ANLN: variants seen among roughly 807,000 people sequenced by gnomAD.
The protein encoded by ANLN is anillin, actin binding protein.
A neutral mutation model predicts 135.1 loss-of-function variants in ANLN; 59 were observed. The ratio of observed to expected loss-of-function variants is 0.44; its 90% CI spans 0.35 to 0.54. The LOEUF is 0.54. Ranked by LOEUF, ANLN falls within the 20% of genes least tolerant of loss-of-function variation. ANLN has a pLI of 0.00. For missense variants in ANLN, 1,182 were observed against 1,340.0 expected, an observed-to-expected ratio of 0.88 and a Z score of 1.84; for synonymous variants, 406 against 456.4, an observed-to-expected ratio of 0.89 and a Z score of 1.41.
intron 20 of ANLN, among the ~76,000 whole-genome samples, chr7:36,433,617 T>C (rs1562814193): frequency 1.3e-5 from 2 of 152,230 alleles, no homozygotes; most frequent in Non-Finnish European, 2.9e-5. Context: ...CTTAAAGTTA[T>C]TTCTTCTGCC....
chr7:36,435,966 G>T (rs886829106), intron 20 of ANLN, among the ~76,000 whole-genome samples: 1 of 143,060 alleles, frequency 7.0e-6, no homozygotes, highest in African/African-American at 2.6e-5. Flanking sequence ...GTATTGAAAT[G>T]AAATTCATGT....
intron 23 of ANLN, among the ~76,000 whole-genome samples, chr7:36,450,466 G>A (rs1169823889): frequency 6.6e-6 from 1 of 152,204 alleles, no homozygotes; most frequent in Non-Finnish European, 1.5e-5. Flanking sequence ...TAATTAGGCT[G>A]TTGCTGGATA....
Position 36,424,580 on chromosome 7 carries a change from A to T in ANLN, c.2639A>T (p.Glu880Val). ...DVSNDFEINI[E>V]VYSLVQKKDP... ...TCCAATGACTTTGAAATAAATATTG[A>T]AGTTTACAGCTTGGTAAGCTGATAA... The change falls in exon 16 of 24, where the codon GAA (glutamate) becomes GTA (valine). Residue 880 changes from glutamate (E) to valine (V), a missense_variant. Physicochemically the swap from Glu to Val is moderately radical, Grantham distance 121. Around this residue, in one of 3 missense-constraint regions of ANLN, gnomAD observed 1,022 missense variants for 1,134.0 expected, o/e 0.90. Coordinates refer to ENST00000265748, the MANE Select transcript of ANLN (RefSeq NM_018685.5). 6.2e-7 allele frequency: 1 copy of T among 1,600,884 alleles called. No homozygotes were observed. Among genetic ancestry groups the T allele is most frequent in the Non-Finnish European group, 8.5e-7 (1 of 1,172,806 alleles).
At chr7:36,416,913 G>T (rs1054975351) in intron 8 of ANLN, among the ~76,000 whole-genome samples, 167 bp from the exon 9 acceptor site, 1 of 151,674 alleles carries the variant, frequency 6.6e-6, no homozygotes, top group Non-Finnish European at 1.5e-5. Context: ...TGGGTTAAGA[G>T]AGGACAGGTG....
chr7:36,425,413 G>A (rs2116689788), intron 17 of ANLN, among the ~76,000 whole-genome samples: 1 of 150,944 alleles, frequency 6.6e-6, no homozygotes, highest in East Asian at 2.0e-4. Context: ...TCCTGCCTCA[G>A]CCTCCTGTGA....
At chr7:36,437,783 A>AT (rs1281822027) in intron 20 of ANLN, among the ~76,000 whole-genome samples, 6 of 151,188 alleles carry the variant, frequency 4.0e-5, no homozygotes, top group African/African-American at 1.5e-4. Context: ...TATTTTAAAA[A>AT]TTTTTTTTTG....
Position 36,410,610 on chromosome 7 carries a change from C to G in ANLN, c.1193C>G (p.Pro398Arg). The G allele has an allele frequency of 1.2e-6, 2 of 1,614,088 alleles. No homozygotes were observed. Among genetic ancestry groups the G allele is most frequent in the Non-Finnish European group, 8.5e-7 (1 of 1,180,002 alleles). ...SPARSTPHRT[P>R]IITPNTKAIQ... ...GCTCGTAGCACACCCCACAGAACCCCCATTATTACTCCAAATACAAAGGCC... is the reference window on the plus strand; with the variant it reads ...GCTCGTAGCACACCCCACAGAACCCGCATTATTACTCCAAATACAAAGGCC... Residue 398 changes from proline to arginine, a missense_variant, in exon 6 of 24, where the codon CCC becomes CGC. Pro to Arg is a moderately radical substitution (Grantham distance 103). Coordinates refer to ENST00000265748, the MANE Select transcript of ANLN (RefSeq NM_018685.5).
rs536954444 is a variant in ANLN at position 36,415,093 on chromosome 7, T to C, written c.1396-665T>C. On this transcript the variant is annotated intron_variant, in intron 7 of 23. Coordinates refer to ENST00000265748, the MANE Select transcript of ANLN (RefSeq NM_018685.5). ...ATTCATAAAGTCTTCTTTTATTTCTTTGCTGAAATAATCTGTACAACAATA... is the reference window on the plus strand; with the variant it reads ...ATTCATAAAGTCTTCTTTTATTTCTCTGCTGAAATAATCTGTACAACAATA... Among the ~76,000 whole-genome samples, 3 of 152,360 alleles carry C rather than the reference T, an allele frequency of 2.0e-5. No individual in the cohort carries two copies. The East Asian group carries it at 5.8e-4, about 29-fold the overall frequency.
intron 21 of ANLN, among the ~76,000 whole-genome samples, chr7:36,441,484 G>C (rs1422417246): frequency 1.3e-5 from 2 of 152,204 alleles, no homozygotes; most frequent in African/African-American, 4.8e-5. Context: ...TTCCTTTCCT[G>C]ATGTGCCAGG....
intron 20 of ANLN, among the ~76,000 whole-genome samples, chr7:36,430,184 G>C (rs1253589653): frequency 6.6e-6 from 1 of 152,200 alleles, no homozygotes; most frequent in Non-Finnish European, 1.5e-5. Context: ...GTCACTGAAA[G>C]AGTATACATG....
Position 36,452,591 on chromosome 7 carries a change from A to C in ANLN, c.3366A>C (p.Gly1122=), listed in dbSNP as rs201375544. ...WQPDACYKPI[G]KP ...CTGATGCTTGCTACAAACCTATTGG[A>C]AAGCCTTAAACCGGGAAATTTCCAT... The change falls in exon 24 of 24, where the codon GGA becomes GGC. Residue 1122 remains glycine, a synonymous_variant. Coordinates refer to ENST00000265748, the MANE Select transcript of ANLN (RefSeq NM_018685.5). 8.7e-5 allele frequency: 140 copies of C among 1,614,042 alleles called. No individual in the cohort carries two copies. The East Asian group carries it at 3.0e-3, about 35-fold the overall frequency.
chr7:36,429,761 CA>C (rs1331911952), intron 20 of ANLN, among the ~76,000 whole-genome samples: 1 of 152,118 alleles, frequency 6.6e-6, no homozygotes, highest in African/African-American at 2.4e-5. Context: ...AAAGAGATTT[CA>C]ATGACATATC....
chr7:36,425,964 A>G (rs1450916870), intron 18 of ANLN, 51 bp from the exon 19 acceptor site: 1 of 1,401,994 alleles, frequency 7.1e-7, no homozygotes, highest in Non-Finnish European at 9.8e-7. Context: ...TTTGTATTAA[A>G]TAAGGGAAAT....
In ANLN at chr7:36,406,179, A is replaced by T; in HGVS notation, c.488-2A>T. ...TTAACTCTTTTCTGAAAACATTTTC[A>T]GATGACATTCCTGAAAGCTCACTCT... On this transcript the variant is annotated splice_acceptor_variant, in intron 3 of 23. Coordinates refer to ENST00000265748, the MANE Select transcript of ANLN (RefSeq NM_018685.5). LOFTEE classifies it high-confidence loss of function. 1 of 1,582,408 alleles carries T rather than the reference A, an allele frequency of 6.3e-7. No homozygotes were observed. The highest frequency in any genetic ancestry group is 8.6e-7 in the Non-Finnish European group (1 of 1,160,376).
Position 36,433,713 on chromosome 7 carries a change from T to C in ANLN, c.2884-5491T>C, listed in dbSNP as rs75313579. Among the ~76,000 whole-genome samples the C allele has an allele frequency of 8.5e-3, 1,290 of 152,270 alleles. 19 individuals are homozygous for C. Among genetic ancestry groups the C allele is most frequent in the African/African-American group, 0.029 (1,226 of 41,582 alleles). ...TGTGACATTCTTTTTGGTTTTCATT[T>C]AATTCTTTTTTTCTTTGTGCTTCAT... On this transcript the variant is annotated intron_variant, in intron 20 of 23. Coordinates refer to ENST00000265748, the MANE Select transcript of ANLN (RefSeq NM_018685.5).
intron 7 of ANLN, among the ~76,000 whole-genome samples, chr7:36,414,079 G>A (rs1377409773): frequency 2.0e-5 from 3 of 152,154 alleles, no homozygotes; most frequent in African/African-American, 4.8e-5. Context: ...TTTCAAATGT[G>A]GGTTAAGCCA....
At chr7:36,392,646 A>G (rs897260671) in intron 1 of ANLN, among the ~76,000 whole-genome samples, 2 of 151,808 alleles carry the variant, frequency 1.3e-5, no homozygotes, top group South Asian at 2.1e-4. Flanking sequence ...TTATTGAGCT[A>G]TTGAGTTTAT....
At chr7:36,403,065 C>T (rs1269797596) in intron 3 of ANLN, among the ~76,000 whole-genome samples, 2 of 151,964 alleles carry the variant, frequency 1.3e-5, no homozygotes, top group African/African-American at 2.4e-5. Flanking sequence ...TGCAGTGAGC[C>T]GAGATCGCGC....
Position 36,452,790 on chromosome 7 carries a change from G to A in ANLN, c.*190G>A, listed in dbSNP as rs1276990562. The stretch of plus-strand genomic sequence containing the variant: ...TAACTGATTTCTGTCATTCATCAAT[G>A]AGTAGAAGTAAATACATTATAGTTG... On this transcript the variant is annotated 3_prime_UTR_variant, in exon 24 of 24. Coordinates refer to ENST00000265748, the MANE Select transcript of ANLN (RefSeq NM_018685.5). 1.9e-6 allele frequency: 1 copy of A among 534,998 alleles called. No individual in the cohort carries two copies. The highest frequency in any genetic ancestry group is 3.1e-6 in the Non-Finnish European group (1 of 318,688). The allele number at this position is 534,998 out of a possible 1,614,324, so 33.1% of individuals were successfully genotyped here. A position where few individuals can be genotyped will look rare whatever the true frequency, so the allele number is the denominator to read the frequency against.
Sources: allele counts gnomAD v4.1 joint callset (sites outside exome capture counted in the v4.1 genomes callset), GRCh38; gene constraint gnomAD v4.1.1; regional missense constraint gnomAD v4.1.1; transcripts MANE v1.5; gene names NCBI Gene and HGNC (gene_info 2026-07-23, HGNC 2026-07-21).